The following PDE7B variants were observed in gnomAD, a reference collection of about 807,000 sequenced individuals.
PDE7B encodes 3',5'-cyclic-AMP phosphodiesterase 7B.
Under a neutral mutation model 56.2 loss-of-function variants are expected in PDE7B, and 29 were observed. The observed-to-expected ratio is 0.52, with a 90% CI of 0.38 to 0.70. The LOEUF is 0.70. Among genes scored for constraint, PDE7B ranks in the 30% least tolerant of loss-of-function variants. PDE7B has a pLI of 0.00. For missense variants in PDE7B, 490 were observed against 565.0 expected, an observed-to-expected ratio of 0.87 and a Z score of 1.35; for synonymous variants, 197 against 196.9, an observed-to-expected ratio of 1.00 and a Z score of 0.00.
chr6:136,117,322 A>G (rs185423225), intron 3 of PDE7B: 2 of 152,320 alleles, frequency 1.3e-5, no homozygotes, highest in African/African-American at 2.4e-5. Context: ...TATCTCTGTG[A>G]CCTCATTAAT....
intron 8 of PDE7B, among the ~76,000 whole-genome samples, chr6:136,159,142 G>A (rs1026385500): frequency 1.3e-4 from 20 of 152,032 alleles, no homozygotes; most frequent in Admixed American, 1.2e-3. Flanking sequence ...CTTAGAGGGG[G>A]GTCAGCATTT....
chr6:136,052,338 T>C (rs1776643932), intron 2 of PDE7B, among the ~76,000 whole-genome samples: 1 of 152,236 alleles, frequency 6.6e-6, no homozygotes, highest in African/African-American at 2.4e-5. Context: ...GGAAGAAAGA[T>C]ATTTTTCCTG....
At position 135,894,629 on chromosome 6, in the gene PDE7B, A is replaced by G. The variant is rs1346602099; in HGVS notation, c.21+42610A>G. 3.3e-5 allele frequency among the ~76,000 whole-genome samples: 5 copies of G among 152,200 alleles called. No homozygotes were observed. In the East Asian group the frequency reaches 9.6e-4, roughly 29 times the overall value. On this transcript the variant is annotated intron_variant, in intron 1 of 12. Transcript: ENST00000308191. ...CACATTCTCTCCATCCAAGGCACAC[A>G]TGCCAAATTGCATTATTCCAATGAG...
chr6:136,171,882 G>A (rs1056755842), intron 8 of PDE7B, among the ~76,000 whole-genome samples: 36 of 148,736 alleles, frequency 2.4e-4, no homozygotes, highest in African/African-American at 8.4e-4. Context: ...GTGAGAATAT[G>A]CAGTGTTTGG....
At chr6:135,906,827 T>TTTTTG (rs1554265692) in intron 1 of PDE7B, among the ~76,000 whole-genome samples, 4 of 133,544 alleles carry the variant, frequency 3.0e-5, no homozygotes, top group Admixed American at 1.5e-4. Flanking sequence ...TTTTTTTTTT[T>TTTTTG]TTTTTTTTTA....
chr6:136,039,268 G>C (rs886299010), intron 2 of PDE7B, among the ~76,000 whole-genome samples: 2 of 151,930 alleles, frequency 1.3e-5, no homozygotes, highest in Non-Finnish European at 2.9e-5. Flanking sequence ...ATCCCAAGGG[G>C]CTTCGTAAAC....
chr6:136,150,389 G>A (rs1778489023), intron 5 of PDE7B, among the ~76,000 whole-genome samples: 1 of 152,120 alleles, frequency 6.6e-6, no homozygotes, highest in South Asian at 2.1e-4. Flanking sequence ...TTTTGTATAT[G>A]GTGAGAGATG....
chr6:135,881,088 G>T (rs1775600728), intron 1 of PDE7B, among the ~76,000 whole-genome samples: 2 of 152,042 alleles, frequency 1.3e-5, no homozygotes, highest in African/African-American at 4.8e-5. Flanking sequence ...GGCACCATTT[G>T]CTTTTATTGC....
rs1779258247 is a variant in PDE7B at position 136,193,221 on chromosome 6, C to T, written c.*1381C>T. On this transcript the variant is annotated 3_prime_UTR_variant, in exon 13 of 13. Transcript: ENST00000308191. ...CAGGGAATTCCCTGCTCCCATGCCA[C>T]ACATTTGTCTATTATGGCTATAGTA... 6.6e-6 allele frequency: 1 copy of T among 152,636 alleles called. No individual in the cohort carries two copies. Among genetic ancestry groups the T allele is most frequent in the South Asian group, 2.1e-4 (1 of 4,832 alleles). The allele number at this position is 152,636 out of a possible 1,614,324, so 9.5% of individuals were successfully genotyped here. A position where few individuals can be genotyped will look rare whatever the true frequency, so the allele number is the denominator to read the frequency against.
At chr6:135,864,736 T>G (rs1176956536) in intron 1 of PDE7B, among the ~76,000 whole-genome samples, 1 of 152,062 alleles carries the variant, frequency 6.6e-6, no homozygotes, top group East Asian at 1.9e-4. Flanking sequence ...TTGGAAAATT[T>G]TCATTAATTA....
At chr6:135,903,357 T>C (rs1289084546) in intron 1 of PDE7B, among the ~76,000 whole-genome samples, 3 of 152,216 alleles carry the variant, frequency 2.0e-5, no homozygotes, top group African/African-American at 7.2e-5. Flanking sequence ...GGTAAAGGCT[T>C]GAGTTCTAAC....
chr6:136,020,231 CGT>C (rs1464337662), intron 2 of PDE7B, among the ~76,000 whole-genome samples: 2 of 152,080 alleles, frequency 1.3e-5, no homozygotes, highest in Admixed American at 1.3e-4. Flanking sequence ...GGATGTTTCT[CGT>C]GGACGAGGGA....
chr6:136,003,941 C>T (rs910213370), intron 2 of PDE7B, among the ~76,000 whole-genome samples: 5 of 152,038 alleles, frequency 3.3e-5, no homozygotes, highest in African/African-American at 1.2e-4. Context: ...AACATTGATG[C>T]AAAAATCCTC....
intron 2 of PDE7B, among the ~76,000 whole-genome samples, chr6:136,076,516 A>C (rs557314057): frequency 1.3e-5 from 2 of 152,288 alleles, no homozygotes; most frequent in Admixed American, 6.5e-5. Flanking sequence ...AAACTTAGAA[A>C]GCCTCAGGAA....
intron 1 of PDE7B, among the ~76,000 whole-genome samples, chr6:135,897,303 C>T (rs1194557762): frequency 1.3e-5 from 2 of 151,364 alleles, no homozygotes; most frequent in South Asian, 2.1e-4. Flanking sequence ...TGTGTGTAGG[C>T]GGAGGAAGGA....
intron 12 of PDE7B, 35 bp downstream of exon 12, chr6:136,187,151 C>A (rs1173655771): frequency 2.0e-6 from 2 of 1,004,950 alleles, no homozygotes; most frequent in African/African-American, 1.6e-5. Context: ...CAAATAAATA[C>A]CTTTGGCACA....
intron 3 of PDE7B, among the ~76,000 whole-genome samples, chr6:136,134,734 CAAAAAAAAAA>C (rs67667001): frequency 3.3e-5 from 3 of 91,276 alleles, no homozygotes; most frequent in African/African-American, 4.2e-5. Flanking sequence ...TTATGGTAGG[CAAAAAAAAAA>C]AAAAAAAAAA....
At chr6:136,151,782 A>ATCAC (rs71006788) in intron 6 of PDE7B, among the ~76,000 whole-genome samples, 1 of 151,568 alleles carries the variant, frequency 6.6e-6, no homozygotes, top group Non-Finnish European at 1.5e-5. Flanking sequence ...AAAAATACAA[A>ATCAC]AAAAAAATTA....
At chr6:136,147,545 A>G (rs1203655600) in intron 4 of PDE7B, 43 bp downstream of exon 4, 1 of 1,577,456 alleles carries the variant, frequency 6.3e-7, no homozygotes, top group Non-Finnish European at 8.7e-7. Context: ...CCAGTGGCCA[A>G]GAGCATGTGC....
Sources: gnomAD v4.1 joint callset for allele counts (sites outside exome capture counted in the v4.1 genomes callset) on GRCh38, gnomAD v4.1.1 for gene constraint, MANE v1.5 for transcripts, NCBI Gene and HGNC (gene_info 2026-07-23, HGNC 2026-07-21) for gene names.